Variants in CHD9 observed in about 807,000 individuals in gnomAD.
The protein encoded by CHD9 is chromodomain helicase DNA binding protein 9.
A neutral mutation model predicts 316.1 loss-of-function variants in CHD9; 77 were observed. That is an observed-to-expected ratio of 0.24 (90% CI 0.20 to 0.29). The LOEUF (loss-of-function observed/expected upper bound fraction) is 0.29, where lower values mean the gene tolerates loss of function less well. Ranked by LOEUF, CHD9 falls within the 10% of genes least tolerant of loss-of-function variation. The pLI is 1.00. For synonymous variants in CHD9, 1,129 were observed against 1,158.3 expected (o/e 0.97, Z 0.51); for missense variants, 2,763 against 3,438.1 (o/e 0.80, Z 4.91).
At chr16:53,126,631 CCCTT>C (rs938737053) in intron 1 of CHD9, among the ~76,000 whole-genome samples, 8 of 133,400 alleles carry the variant, frequency 6.0e-5, no homozygotes, top group South Asian at 2.5e-4. Flanking sequence ...TCTCTTTTCT[CCCTT>C]CCTTCCTTCC....
chr16:53,183,740 C>A (rs1464786740), intron 2 of CHD9, among the ~76,000 whole-genome samples: 1 of 151,394 alleles, frequency 6.6e-6, no homozygotes, highest in East Asian at 1.9e-4. Flanking sequence ...ATAGCAAGAC[C>A]CTGTCTGTAC....
chr16:53,179,367 T>C (rs539181512), intron 2 of CHD9, among the ~76,000 whole-genome samples: 14 of 152,070 alleles, frequency 9.2e-5, no homozygotes, highest in South Asian at 2.1e-4. Context: ...TCTTAAAATA[T>C]CAGTTTTGAT....
chr16:53,109,931 G>A (rs537479182), intron 1 of CHD9, among the ~76,000 whole-genome samples: 6 of 151,798 alleles, frequency 4.0e-5, no homozygotes, highest in South Asian at 2.1e-4. Flanking sequence ...TGATCCGCCC[G>A]CCTCGGCCTC....
At chr16:53,068,159 T>C (rs573089160) in intron 1 of CHD9, among the ~76,000 whole-genome samples, 4 of 152,338 alleles carry the variant, frequency 2.6e-5, no homozygotes, top group East Asian at 1.9e-4. Context: ...CTTAACCTCC[T>C]GAGCCTCAGT....
chr16:53,240,493 C>T (rs2048999903), intron 12 of CHD9, among the ~76,000 whole-genome samples: 1 of 151,752 alleles, frequency 6.6e-6, no homozygotes, highest in Non-Finnish European at 1.5e-5. Flanking sequence ...TATATATTAC[C>T]TAAAGAGGTT....
chr16:53,078,265 G>C (rs2034722302), intron 1 of CHD9, among the ~76,000 whole-genome samples: 1 of 152,166 alleles, frequency 6.6e-6, no homozygotes, highest in African/African-American at 2.4e-5. Flanking sequence ...TATAAGGTGG[G>C]ACCTTTAAGA....
At chr16:53,167,885 G>A (rs1405085432) in intron 2 of CHD9, among the ~76,000 whole-genome samples, 2 of 151,732 alleles carry the variant, frequency 1.3e-5, no homozygotes, top group South Asian at 2.1e-4. Context: ...AAGGGTTATT[G>A]GTCACTTAGA....
chr16:53,084,272 A>C (rs2035274717), intron 1 of CHD9, among the ~76,000 whole-genome samples: 1 of 152,346 alleles, frequency 6.6e-6, no homozygotes, highest in South Asian at 2.1e-4. Context: ...TAATTCTTCT[A>C]TGGGCAGGTG....
chr16:53,248,407 G>A (rs1383045045), intron 16 of CHD9, among the ~76,000 whole-genome samples: 4 of 150,924 alleles, frequency 2.7e-5, no homozygotes, highest in Non-Finnish European at 5.9e-5. Context: ...TATTTTATCA[G>A]ACCATTAGGA....
intron 2 of CHD9, among the ~76,000 whole-genome samples, chr16:53,178,594 A>G (rs2043257300): frequency 6.6e-6 from 1 of 151,852 alleles, no homozygotes; most frequent in Non-Finnish European, 1.5e-5. Context: ...GGGATCTCCC[A>G]GTTAGCTGGG....
chr16:53,226,668 T>C (rs1165809456), intron 5 of CHD9, among the ~76,000 whole-genome samples, 156 bp downstream of exon 5: 4 of 152,186 alleles, frequency 2.6e-5, no homozygotes, highest in Non-Finnish European at 1.5e-5. Flanking sequence ...AACCTAGGGA[T>C]TCATTCTCTC....
chr16:53,058,821 G>A (rs371507891), intron 1 of CHD9, among the ~76,000 whole-genome samples: 8 of 152,086 alleles, frequency 5.3e-5, no homozygotes, highest in African/African-American at 1.9e-4. Flanking sequence ...CAGACATTTG[G>A]GTTTTTTGTT....
intron 4 of CHD9, 22 bp downstream of exon 4, chr16:53,222,777 A>G: frequency 8.8e-7 from 1 of 1,137,702 alleles, no homozygotes; most frequent in Non-Finnish European, 1.3e-6. Flanking sequence ...AATTTTTTCT[A>G]GAAATGAAAC....
Position 53,255,507 on chromosome 16 carries a change from T to G in CHD9, c.4030-93T>G, listed in dbSNP as rs2050513865. The G allele has an allele frequency of 2.7e-6, 3 of 1,105,162 alleles. No homozygotes were observed. The Admixed American group carries it at 7.3e-5, about 27-fold the overall frequency. 68.5% of individuals were successfully genotyped at this position (1,105,162 alleles called of 1,614,324 possible). On this transcript the variant is annotated intron_variant, in intron 18 of 38. Coordinates refer to ENST00000447540, the MANE Select transcript of CHD9 (RefSeq NM_001308319.2). ...CCCAAACCCAAATGCAGTTTAAGCATGCCTCTTGTGTTCTTTGACATCCTT... is the reference window on the plus strand; with the variant it reads ...CCCAAACCCAAATGCAGTTTAAGCAGGCCTCTTGTGTTCTTTGACATCCTT...
At chr16:53,225,118 T>G (rs1265295477) in intron 4 of CHD9, among the ~76,000 whole-genome samples, 1 of 152,150 alleles carries the variant, frequency 6.6e-6, no homozygotes, top group African/African-American at 2.4e-5. Context: ...CATGACTGCA[T>G]GCATATAGTT....
rs1205311826 is a variant in CHD9, at chr16:53,177,311, C to A, written c.1452+19770C>A. On this transcript the variant is annotated intron_variant, in intron 2 of 38. Coordinates refer to ENST00000447540, the MANE Select transcript of CHD9 (RefSeq NM_001308319.2). ...GTTCTAGGTACTATAGCTTCTAAGT[C>A]ACAGACTTAAGGCATGAACCCAGAT... Among the ~76,000 whole-genome samples the A allele has an allele frequency of 2.0e-5, 3 of 152,214 alleles. No homozygotes were observed. The East Asian group carries it at 5.8e-4, about 29-fold the overall frequency.
At chr16:53,272,655 A>G (rs941407492) in intron 22 of CHD9, among the ~76,000 whole-genome samples, 2 of 152,188 alleles carry the variant, frequency 1.3e-5, no homozygotes, top group African/African-American at 4.8e-5. Context: ...AAATTTTTTA[A>G]AAGTTCAGAG....
At chr16:53,205,034 G>T (rs1003103504) in intron 2 of CHD9, among the ~76,000 whole-genome samples, 1 of 152,018 alleles carries the variant, frequency 6.6e-6, no homozygotes, top group Admixed American at 6.6e-5. Flanking sequence ...TAGAGATGGG[G>T]TTTCACCATG....
intron 2 of CHD9, among the ~76,000 whole-genome samples, chr16:53,185,637 C>T (rs776925977): frequency 6.6e-6 from 1 of 152,184 alleles, no homozygotes; most frequent in African/African-American, 2.4e-5. Flanking sequence ...CAGAGACTTT[C>T]GTGGCAGTCT....
Sources: allele counts gnomAD v4.1 joint callset (sites outside exome capture counted in the v4.1 genomes callset), GRCh38; gene constraint gnomAD v4.1.1; transcripts MANE v1.5; gene names NCBI Gene and HGNC (gene_info 2026-07-23, HGNC 2026-07-21).